The following FTCDNL1 variants were observed in gnomAD, a reference collection of about 807,000 sequenced individuals.
FTCDNL1 encodes the protein formiminotransferase N-terminal subdomain-containing protein.
Under a neutral mutation model 5.9 loss-of-function variants are expected in FTCDNL1, and 11 were observed. That is an observed-to-expected ratio of 1.87 (90% confidence interval 1.18 to 3.10). The LOEUF (loss-of-function observed/expected upper bound fraction) is 3.10, where lower values mean the gene tolerates loss of function less well. Among genes scored for constraint, FTCDNL1 ranks in the 30% most tolerant of loss-of-function variants. The pLI is 0.00. For missense variants in FTCDNL1, 115 were observed against 65.5 expected, an observed-to-expected ratio of 1.76 and a Z score of -2.61; for synonymous variants, 58 against 24.8, an observed-to-expected ratio of 2.34 and a Z score of -3.99.
At position 199,841,163 on chromosome 2, in the gene FTCDNL1, AT is replaced by A. The variant is rs556617473; in HGVS notation, c.211+4911del. ...GAGATCCTGTCTTAAAAAAAAAAAA[AT>A]TTAGAGACCTAATAGTGATAAAAAT... On this transcript the variant is annotated intron_variant, in intron 3 of 4. Coordinates refer to ENST00000420128, the MANE Select transcript of FTCDNL1 (RefSeq NM_001363886.2). Among the ~76,000 whole-genome samples, 6 of 152,012 alleles carry A rather than the reference AT, an allele frequency of 3.9e-5. No individual in the cohort carries two copies. The South Asian group carries it at 1.3e-3, about 32-fold the overall frequency.
Position 199,776,216 on chromosome 2 carries a change from T to C in FTCDNL1, c.212-15381A>G, listed in dbSNP as rs1043231033. Among the ~76,000 whole-genome samples the C allele has an allele frequency of 8.5e-5, 13 of 152,126 alleles. No homozygotes were observed. The East Asian group carries it at 1.4e-3, about 16-fold the overall frequency. ...GGCCTCTTGGAATCCTGAGATAAGA[T>C]AGGAAAGCCAGAAACTGATATTGCC... On this transcript the variant is annotated intron_variant, in intron 3 of 3. Coordinates refer to the FTCDNL1 transcript ENST00000416668.
At chr2:199,843,782 T>TA (rs1185928626) in intron 3 of FTCDNL1, among the ~76,000 whole-genome samples, 3 of 152,174 alleles carry the variant, frequency 2.0e-5, no homozygotes, top group African/African-American at 7.2e-5. Context: ...GTGGTACAGT[T>TA]AGACAGTCCA....
intron 3 of FTCDNL1, among the ~76,000 whole-genome samples, chr2:199,801,869 C>T (rs1412431404): frequency 1.4e-5 from 2 of 144,298 alleles, no homozygotes; most frequent in African/African-American, 2.6e-5. Context: ...ACCCAGAAGG[C>T]GGAGCTTGCA....
chr2:199,829,372 A>G, intron 3 of FTCDNL1, among the ~76,000 whole-genome samples: 1 of 152,188 alleles, frequency 6.6e-6, no homozygotes, highest in Non-Finnish European at 1.5e-5. Flanking sequence ...AATAATTTTT[A>G]GTCATTTCTA....
At position 199,801,688 on chromosome 2, in the gene FTCDNL1, C is replaced by T. The variant is rs571548888; in HGVS notation, c.212-40853G>A. On this transcript the variant is annotated intron_variant, in intron 3 of 3. Transcript: ENST00000416668. ...GGAATAGGCCGGGCACGGTGGCTCACGCCTGTAATCCCAGCACTTTGTGGG... is the reference window on the plus strand; with the variant it reads ...GGAATAGGCCGGGCACGGTGGCTCATGCCTGTAATCCCAGCACTTTGTGGG... Among the ~76,000 whole-genome samples, 140 of 151,556 alleles carry T rather than the reference C, an allele frequency of 9.2e-4. 1 individual carries two copies. The highest frequency in any genetic ancestry group is 1.6e-3 in the Admixed American group (25 of 15,226).
chr2:199,765,055 G>C (rs1476680612), intron 3 of FTCDNL1, among the ~76,000 whole-genome samples: 1 of 152,072 alleles, frequency 6.6e-6, no homozygotes, highest in African/African-American at 2.4e-5. Context: ...GATCAGCAAG[G>C]GGGAATTCAA....
At chr2:199,828,682 G>A (rs1702179142) in intron 3 of FTCDNL1, among the ~76,000 whole-genome samples, 1 of 152,142 alleles carries the variant, frequency 6.6e-6, no homozygotes, top group South Asian at 2.1e-4. Context: ...TAATAGACTT[G>A]TATTAAATAA....
At chr2:199,671,738 C>CA in the FTCDNL1 span, among the ~76,000 whole-genome samples, 1 of 152,052 alleles carries the variant, frequency 6.6e-6, no homozygotes, top group African/African-American at 2.4e-5. Context: ...GCTGCCCTGC[C>CA]AGCTGGCTTT....
At chr2:199,826,744 A>G (rs2106553027) in intron 3 of FTCDNL1, among the ~76,000 whole-genome samples, 1 of 152,322 alleles carries the variant, frequency 6.6e-6, no homozygotes, top group African/African-American at 2.4e-5. Context: ...CAGTGAGCCG[A>G]GATTGCGCCA....
chr2:199,788,043 T>G (rs1365426707), intron 3 of FTCDNL1, among the ~76,000 whole-genome samples: 1 of 152,046 alleles, frequency 6.6e-6, no homozygotes, highest in Non-Finnish European at 1.5e-5. Flanking sequence ...GAAAAGGCAA[T>G]GTGAATATGA....
At chr2:199,700,178 A>G in the FTCDNL1 span, among the ~76,000 whole-genome samples, 1 of 152,214 alleles carries the variant, frequency 6.6e-6, no homozygotes, top group African/African-American at 2.4e-5. Flanking sequence ...AGGCTCCTAG[A>G]TCTGATAAAC....
chr2:199,717,010 C>T, the FTCDNL1 span, among the ~76,000 whole-genome samples: 1 of 152,120 alleles, frequency 6.6e-6, no homozygotes, highest in East Asian at 1.9e-4. Flanking sequence ...GTCAGAGTGA[C>T]TAATGTCTTT....
intron 4 of FTCDNL1, among the ~76,000 whole-genome samples, chr2:199,816,845 G>A (rs1440746956): frequency 1.3e-5 from 2 of 152,132 alleles, no homozygotes; most frequent in Non-Finnish European, 2.9e-5. Flanking sequence ...ATTTTCTAAT[G>A]TACTATATAA....
At chr2:199,725,919 T>A in the FTCDNL1 span, among the ~76,000 whole-genome samples, 1 of 152,332 alleles carries the variant, frequency 6.6e-6, no homozygotes, top group East Asian at 1.9e-4. Flanking sequence ...TTCCTGAATT[T>A]GAATGTTGGC....
At chr2:199,826,543 C>T (rs919121737) in intron 3 of FTCDNL1, among the ~76,000 whole-genome samples, 10 of 151,376 alleles carry the variant, frequency 6.6e-5, no homozygotes, top group Non-Finnish European at 1.2e-4. Flanking sequence ...GCCCATAATC[C>T]CAGCACTTTG....
chr2:199,696,360 A>T, the FTCDNL1 span, among the ~76,000 whole-genome samples: 1 of 152,114 alleles, frequency 6.6e-6, no homozygotes, highest in African/African-American at 2.4e-5. Flanking sequence ...CACCACCTCG[A>T]TGAAGAGTTT....
At chr2:199,790,079 G>C (rs369014659) in intron 3 of FTCDNL1, among the ~76,000 whole-genome samples, 2 of 152,158 alleles carry the variant, frequency 1.3e-5, no homozygotes, top group Non-Finnish European at 2.9e-5. Context: ...TGAAAGCAAA[G>C]AGGGTGGGAA....
chr2:199,803,907 G>T (rs567820479), intron 3 of FTCDNL1, among the ~76,000 whole-genome samples: 8 of 152,284 alleles, frequency 5.3e-5, no homozygotes, highest in Admixed American at 5.2e-4. Flanking sequence ...GGGTTGTTGT[G>T]AAAATCATGT....
chr2:199,747,731 T>G, the FTCDNL1 span, among the ~76,000 whole-genome samples: 1 of 152,128 alleles, frequency 6.6e-6, no homozygotes, highest in Non-Finnish European at 1.5e-5. Flanking sequence ...ACCAGCAGAA[T>G]GGTGAGAGCT....
Sources: gnomAD v4.1 joint callset for allele counts (sites outside exome capture counted in the v4.1 genomes callset) on GRCh38, gnomAD v4.1.1 for gene constraint, MANE v1.5 for transcripts, NCBI Gene and HGNC (gene_info 2026-07-23, HGNC 2026-07-21) for gene names.